DEPDC5: variants seen among roughly 807,000 people sequenced by gnomAD.
The protein encoded by DEPDC5 is GATOR1 complex protein DEPDC5.
A neutral mutation model predicts 217.3 loss-of-function variants in DEPDC5; 73 were observed. That is an observed-to-expected ratio of 0.34 (90% CI 0.28 to 0.41). The LOEUF (loss-of-function observed/expected upper bound fraction) is 0.41. Ranked by LOEUF, DEPDC5 falls within the 10% of genes least tolerant of loss-of-function variation. The pLI, the probability that DEPDC5 is intolerant of heterozygous loss-of-function variation, is 1.00. For synonymous variants in DEPDC5, 733 were observed against 756.7 expected (o/e 0.97, Z 0.51); for missense variants, 1,675 against 2,070.1 (o/e 0.81, Z 3.70).
chr22:31,891,199 T>C, intron 38 of DEPDC5: 1 of 590,788 alleles, frequency 1.7e-6, no homozygotes, highest in Non-Finnish European at 3.3e-6. Context: ...GCTCTGCCTT[T>C]TGGAGTGATT....
At position 31,906,399 on chromosome 22, in the gene DEPDC5, C is replaced by T; in HGVS notation, c.4714C>T (p.Leu1572=). The stretch of plus-strand genomic sequence containing the variant: ...AGGGGATGAAAAGTTTGCTGATCGG[C>T]TGCTGAAGGACTTCACGGACTTCTG... The part of the protein sequence containing the change: ...ATGDEKFADR[L]LKDFTDFCIN... The change falls in exon 43 of 43, where the codon CTG becomes TTG. Residue 1572 remains leucine, a synonymous_variant. Coordinates refer to ENST00000651528, the MANE Select transcript of DEPDC5 (RefSeq NM_001242896.3). The surrounding 1 kb of genome is among the most constrained non-coding windows in gnomAD (Gnocchi z 5.1). 1 of 1,614,090 alleles carries T rather than the reference C, an allele frequency of 6.2e-7. No homozygotes were observed. Among genetic ancestry groups the T allele is most frequent in the Non-Finnish European group, 8.5e-7 (1 of 1,180,008 alleles).
At chr22:31,812,315 T>C (rs1047096684) in intron 20 of DEPDC5, among the ~76,000 whole-genome samples, 3 of 151,980 alleles carry the variant, frequency 2.0e-5, no homozygotes, top group Non-Finnish European at 4.4e-5. Context: ...ATGCTTATGT[T>C]TATATTATTT....
chr22:31,847,072 T>G, intron 31 of DEPDC5, 105 bp downstream of exon 31: 1 of 1,518,000 alleles, frequency 6.6e-7, no homozygotes, highest in East Asian at 2.3e-5. Context: ...ACAAGGAGCT[T>G]GTAATTAGGG....
chr22:31,826,068 G>A (rs2090123171), intron 24 of DEPDC5, among the ~76,000 whole-genome samples: 1 of 151,840 alleles, frequency 6.6e-6, no homozygotes, highest in South Asian at 2.1e-4. Flanking sequence ...GTGCAGTGGT[G>A]CGATCTCAGC....
At chr22:31,767,229 C>T (rs527808372) in intron 6 of DEPDC5, among the ~76,000 whole-genome samples, 3 of 151,704 alleles carry the variant, frequency 2.0e-5, no homozygotes, top group South Asian at 2.1e-4. Context: ...TAACCTCTGT[C>T]GTCTGGGTTC....
At chr22:31,792,721 C>T (rs758942171) in intron 11 of DEPDC5, 24 bp from the exon 12 acceptor site, 3 of 1,508,512 alleles carry the variant, frequency 2.0e-6, no homozygotes, top group Non-Finnish European at 2.6e-6. Flanking sequence ...GCCTGAACTA[C>T]ATACTCCGTT....
chr22:31,882,611 T>G (rs1215620031), intron 38 of DEPDC5, among the ~76,000 whole-genome samples: 1 of 152,198 alleles, frequency 6.6e-6, no homozygotes, highest in African/African-American at 2.4e-5. Context: ...GACCCCAGAT[T>G]AGAAGCAGAA....
intron 30 of DEPDC5, among the ~76,000 whole-genome samples, chr22:31,845,879 G>A (rs889389327): frequency 5.9e-5 from 8 of 135,102 alleles, no homozygotes; most frequent in Non-Finnish European, 1.1e-4. Flanking sequence ...TTTTTTTTTC[G>A]AGACAAGGTC....
chr22:31,839,856 T>C (rs2091281789), intron 27 of DEPDC5, among the ~76,000 whole-genome samples: 1 of 152,144 alleles, frequency 6.6e-6, no homozygotes, highest in African/African-American at 2.4e-5. Flanking sequence ...TTAATAAGTA[T>C]ATGAATTTGG....
At chr22:31,839,277 T>C (rs1480561758) in intron 27 of DEPDC5, among the ~76,000 whole-genome samples, 1 of 152,340 alleles carries the variant, frequency 6.6e-6, no homozygotes, top group South Asian at 2.1e-4. Context: ...GTCTCTTCTT[T>C]ATCACTGAAG....
At chr22:31,871,370 G>A (rs1016739640) in intron 34 of DEPDC5, among the ~76,000 whole-genome samples, 1 of 152,178 alleles carries the variant, frequency 6.6e-6, no homozygotes, top group Non-Finnish European at 1.5e-5. Context: ...TTATACCCCT[G>A]CCCTGAGAGC....
chr22:31,846,691 A>T, intron 30 of DEPDC5, 143 bp from the exon 31 acceptor site: 1 of 1,172,124 alleles, frequency 8.5e-7, no homozygotes, highest in Non-Finnish European at 1.2e-6. Flanking sequence ...TCTGTCACTT[A>T]CTGAACACTG....
At chr22:31,771,495 G>A (rs945645716) in intron 7 of DEPDC5, among the ~76,000 whole-genome samples, 4 of 152,008 alleles carry the variant, frequency 2.6e-5, no homozygotes, top group Non-Finnish European at 5.9e-5. Context: ...ACTGAGGCAG[G>A]CAGATCACGA....
rs751735953 is a variant in DEPDC5 at position 31,754,908 on chromosome 22, A to G, written c.-14A>G. The G allele has an allele frequency of 6.2e-7, 1 of 1,614,078 alleles. No homozygotes were observed. The highest frequency in any genetic ancestry group is 8.5e-7 in the Non-Finnish European group (1 of 1,179,974). ...CCCCAAGCTTGGAACAGCTAAAGGG[A>G]AAAACAGTGCAAGATGAGAACAACA... On this transcript the variant is annotated 5_prime_UTR_variant, in exon 2 of 43. Coordinates refer to ENST00000651528, the MANE Select transcript of DEPDC5 (RefSeq NM_001242896.3).
intron 3 of DEPDC5, among the ~76,000 whole-genome samples, chr22:31,759,597 C>T (rs1327840279): frequency 6.6e-6 from 1 of 151,054 alleles, no homozygotes; most frequent in Admixed American, 6.6e-5. Flanking sequence ...TGGTTTCGAA[C>T]TCCTGACCTC....
rs144580790 is a variant in DEPDC5, at chr22:31,792,194, A to G, written c.694+92A>G. 2.9e-3 allele frequency: 2,682 copies of G among 918,334 alleles called. 9 individuals are homozygous for G. The highest frequency in any genetic ancestry group is 3.6e-3 in the Non-Finnish European group (2,075 of 576,292). 56.9% of individuals were successfully genotyped at this position (918,334 alleles called of 1,614,324 possible). On this transcript the variant is annotated intron_variant, in intron 11 of 42. Coordinates refer to ENST00000651528, the MANE Select transcript of DEPDC5 (RefSeq NM_001242896.3). ...TTCCTTTCATTTTTTTCCTCGTTGC[A>G]CTTTTCCACCCTTCCCATCTTTTCT...
intron 29 of DEPDC5, chr22:31,844,611 G>A (rs758719557): frequency 5.7e-6 from 1 of 175,768 alleles, no homozygotes; most frequent in African/African-American, 2.4e-5. Context: ...TGTGATGATA[G>A]CCACAAATTC....
chr22:31,905,900 C>A, intron 41 of DEPDC5, 84 bp from the exon 42 acceptor site: 2 of 1,223,076 alleles, frequency 1.6e-6, no homozygotes, highest in Non-Finnish European at 1.2e-6. Context: ...TCAGGCTGTC[C>A]GAGAGTCCTA....
chr22:31,882,369 GA>G (rs2093200362), intron 38 of DEPDC5, among the ~76,000 whole-genome samples: 2 of 152,166 alleles, frequency 1.3e-5, no homozygotes, highest in Non-Finnish European at 2.9e-5. Flanking sequence ...TACTTTCTGA[GA>G]AAAAGACACA....
Sources: gnomAD v4.1 joint callset for allele counts (sites outside exome capture counted in the v4.1 genomes callset) on GRCh38, gnomAD v4.1.1 for gene constraint, Gnocchi (gnomAD v3.1) non-coding constraint, MANE v1.5 for transcripts, NCBI Gene and HGNC (gene_info 2026-07-23, HGNC 2026-07-21) for gene names.